The following GAB2 variants were observed in gnomAD, a reference collection of about 807,000 sequenced individuals.
GAB2 encodes the protein GRB2-associated-binding protein 2.
GAB2 carries 26 observed loss-of-function variants against 65.5 expected under a neutral mutation model. That is an observed-to-expected ratio of 0.40 (90% CI 0.29 to 0.55). The LOEUF (loss-of-function observed/expected upper bound fraction) is 0.55. GAB2 is among the 20% of genes least tolerant of loss of function. The pLI is 0.53. For missense variants in GAB2, 884 were observed against 875.8 expected, an observed-to-expected ratio of 1.01 and a Z score of -0.12; for synonymous variants, 321 against 329.6, an observed-to-expected ratio of 0.97 and a Z score of 0.28.
At chr11:78,291,471 C>CAAA (rs555665523) in intron 1 of GAB2, among the ~76,000 whole-genome samples, 2 of 95,326 alleles carry the variant, frequency 2.1e-5, no homozygotes, top group African/African-American at 7.5e-5. Flanking sequence ...GTCTCTGTCT[C>CAAA]AAAAAAAAAA....
intron 1 of GAB2, among the ~76,000 whole-genome samples, chr11:78,281,718 C>G (rs1866341284): frequency 6.6e-6 from 1 of 152,200 alleles, no homozygotes. Flanking sequence ...AGGGTCTTAT[C>G]ACTATAAAGT....
At chr11:78,411,785 A>C (rs1386903463) in intron 1 of GAB2, among the ~76,000 whole-genome samples, 1 of 151,872 alleles carries the variant, frequency 6.6e-6, no homozygotes, top group Non-Finnish European at 1.5e-5. Flanking sequence ...TAATCCCAGC[A>C]CTTTGGGAGG....
intron 1 of GAB2, among the ~76,000 whole-genome samples, chr11:78,399,339 C>A (rs11237480): frequency 0.25 from 38,537 of 152,034 alleles, 5,607 homozygotes; most frequent in East Asian, 0.41. Context: ...AAGGCGGCTC[C>A]CTTTGGAGGA....
chr11:78,285,132 G>T (rs912604717), intron 1 of GAB2, among the ~76,000 whole-genome samples: 1 of 152,202 alleles, frequency 6.6e-6, no homozygotes. Context: ...GACACATAGT[G>T]TGTGGGCACC....
chr11:78,219,818 A>G (rs1481854523), intron 9 of GAB2, among the ~76,000 whole-genome samples: 1 of 152,006 alleles, frequency 6.6e-6, no homozygotes, highest in Non-Finnish European at 1.5e-5. Flanking sequence ...GCTCACTGCC[A>G]CCCTGTGAAG....
At chr11:78,413,249 G>C (rs978643312) in intron 1 of GAB2, among the ~76,000 whole-genome samples, 1 of 152,188 alleles carries the variant, frequency 6.6e-6, no homozygotes, top group Non-Finnish European at 1.5e-5. Flanking sequence ...GAAGCCAGTA[G>C]AATGGACAAG....
chr11:78,309,262 C>T (rs1171213419), intron 1 of GAB2, among the ~76,000 whole-genome samples: 2 of 152,130 alleles, frequency 1.3e-5, no homozygotes, highest in African/African-American at 4.8e-5. Flanking sequence ...ATACAATCTA[C>T]CCTTTACAGT....
rs767246566 is a variant in GAB2 at position 78,219,358 on chromosome 11, C to A, written c.1945G>T (p.Glu649Ter). Residue 649 changes from glutamate to a stop codon, truncating the protein, a stop_gained, in exon 10 of 10, where the codon GAG (glutamate) becomes TAG (stop). Coordinates refer to ENST00000361507, the MANE Select transcript of GAB2 (RefSeq NM_080491.3). LOFTEE classifies it high-confidence loss of function. ...GTGTTCTGCAGGGCCTGGGTCTTCT[C>A]CTTGTCCACCTGAACGTAGTCCACC... is the stretch of plus-strand genomic sequence containing the variant. Reference protein sequence around the residue: ...EKVDYVQVDKEKTQALQNTMQ... With the variant: ...EKVDYVQVDK 1 of 1,613,914 alleles carries A rather than the reference C, an allele frequency of 6.2e-7. No individual in the cohort carries two copies. Among genetic ancestry groups the A allele is most frequent in the Non-Finnish European group, 8.5e-7 (1 of 1,179,892 alleles).
Position 78,304,747 on chromosome 11 carries a change from A to C in GAB2, c.76-23846T>G, listed in dbSNP as rs916290797. Among the ~76,000 whole-genome samples the C allele has an allele frequency of 2.0e-5, 3 of 152,190 alleles. No homozygotes were observed. In the East Asian group the frequency reaches 5.8e-4, roughly 29 times the overall value. The stretch of plus-strand genomic sequence containing the variant: ...GTTTTCTTTGTATAATGTAATATGA[A>C]AAAGTTTGAAAAGCACTGTCCTACA... On this transcript the variant is annotated intron_variant, in intron 1 of 9. Coordinates refer to ENST00000361507, the MANE Select transcript of GAB2 (RefSeq NM_080491.3).
intron 1 of GAB2, among the ~76,000 whole-genome samples, chr11:78,352,437 C>A (rs1856293561): frequency 1.3e-5 from 2 of 152,318 alleles, no homozygotes; most frequent in South Asian, 4.1e-4. Flanking sequence ...CGTGTCTGTG[C>A]CCTGCTTGCC....
At chr11:78,397,969 T>G (rs765002694) in intron 1 of GAB2, among the ~76,000 whole-genome samples, 2 of 151,524 alleles carry the variant, frequency 1.3e-5, no homozygotes, top group Non-Finnish European at 2.9e-5. Context: ...GAGGAGCACT[T>G]GAGCTCAGGA....
intron 3 of GAB2, among the ~76,000 whole-genome samples, chr11:78,248,673 A>G (rs1393105686): frequency 1.3e-5 from 2 of 152,248 alleles, no homozygotes; most frequent in East Asian, 3.8e-4. Flanking sequence ...TTATCATTTT[A>G]CACTCATTAG....
At chr11:78,310,024 T>C (rs1385168380) in intron 1 of GAB2, among the ~76,000 whole-genome samples, 3 of 150,472 alleles carry the variant, frequency 2.0e-5, no homozygotes, top group Non-Finnish European at 4.4e-5. Flanking sequence ...GTTGTCACAA[T>C]GATTGGAAAG....
chr11:78,366,093 T>C (rs749871408), intron 1 of GAB2, among the ~76,000 whole-genome samples: 2 of 152,204 alleles, frequency 1.3e-5, no homozygotes, highest in Non-Finnish European at 2.9e-5. Flanking sequence ...GGTGTAGAGT[T>C]CTAATACAAC....
intron 1 of GAB2, among the ~76,000 whole-genome samples, chr11:78,379,738 T>C (rs1252346061): frequency 6.6e-6 from 1 of 152,248 alleles, no homozygotes; most frequent in Non-Finnish European, 1.5e-5. Flanking sequence ...ATGTCTGTCA[T>C]TGTGACTGAA....
At chr11:78,280,278 A>G (rs1866296758) in intron 2 of GAB2, among the ~76,000 whole-genome samples, 1 of 152,242 alleles carries the variant, frequency 6.6e-6, no homozygotes, top group South Asian at 2.1e-4. Context: ...GTGACAGATA[A>G]TGGGACACAG....
intron 3 of GAB2, among the ~76,000 whole-genome samples, chr11:78,238,629 C>G (rs1434772988): frequency 6.7e-6 from 1 of 148,476 alleles, no homozygotes; most frequent in Non-Finnish European, 1.5e-5. Context: ...GATAAAAAAA[C>G]TAACTCAAAA....
rs2134469677 is a variant in GAB2, at chr11:78,226,855, C to T, written c.817G>A (p.Ala273Thr). The T allele has an allele frequency of 6.2e-7, 1 of 1,614,076 alleles. No individual in the cohort carries two copies. Among genetic ancestry groups the T allele is most frequent in the Non-Finnish European group, 8.5e-7 (1 of 1,179,992 alleles). The change falls in exon 4 of 10, where the codon GCC becomes ACC. Residue 273 changes from alanine to threonine, a missense_variant. Coordinates refer to ENST00000361507, the MANE Select transcript of GAB2 (RefSeq NM_080491.3). ...CTGCCCTTGGTGTGGCCATGGGAGGCCAGGCTGCGGGGGAGGTCGTAGGTA... is the reference window on the plus strand; with the variant it reads ...CTGCCCTTGGTGTGGCCATGGGAGGTCAGGCTGCGGGGGAGGTCGTAGGTA... ...DSTYDLPRSL[A>T]SHGHTKGSLT...
At chr11:78,372,810 C>T (rs562731374) in intron 1 of GAB2, among the ~76,000 whole-genome samples, 5 of 152,308 alleles carry the variant, frequency 3.3e-5, no homozygotes, top group African/African-American at 1.2e-4. Context: ...GTCTCTCATT[C>T]ACCAACCTAC....
Sources: allele counts gnomAD v4.1 joint callset (sites outside exome capture counted in the v4.1 genomes callset), GRCh38; gene constraint gnomAD v4.1.1; transcripts MANE v1.5; gene names NCBI Gene and HGNC (gene_info 2026-07-23, HGNC 2026-07-21).